The following CHD2 variants were observed in gnomAD, a reference collection of about 807,000 sequenced individuals.
CHD2 encodes chromodomain helicase DNA binding protein 2.
CHD2 carries 28 observed loss-of-function variants against 243.9 expected under a neutral mutation model. The ratio of observed to expected loss-of-function variants is 0.11; its 90% CI spans 0.09 to 0.16. The LOEUF is 0.16. Ranked by LOEUF, CHD2 falls within the 10% of genes least tolerant of loss-of-function variation. CHD2 has a pLI of 1.00. For missense variants in CHD2, 1,386 were observed against 2,209.8 expected (o/e 0.63, Z 7.47); for synonymous variants, 775 against 779.0 (o/e 0.99, Z 0.09).
At position 93,027,101 on chromosome 15, in the gene CHD2, C is replaced by G. The variant is rs868719294; in HGVS notation, c.*2396C>G. The G allele has an allele frequency of 1.3e-5, 2 of 152,640 alleles. No homozygotes were observed. The highest frequency in any genetic ancestry group is 2.4e-5 in the African/African-American group (1 of 41,442). The allele number at this position is 152,640 out of a possible 1,614,324, so 9.5% of individuals were successfully genotyped here. On this transcript the variant is annotated 3_prime_UTR_variant, in exon 39 of 39. Transcript: ENST00000394196. ...CTAAAATTACAGTGTCCCCATTAGA[C>G]AACTATTTTAGGTGCTGGAGTATGT...
intron 26 of CHD2, among the ~76,000 whole-genome samples, chr15:92,989,178 C>A (rs1418511064): frequency 6.6e-6 from 1 of 151,824 alleles, no homozygotes; most frequent in East Asian, 1.9e-4. Flanking sequence ...ATTACAGGTG[C>A]CCACCACAAT....
chr15:92,924,473 G>A lies in CHD2; in HGVS notation c.215G>A (p.Gly72Asp). 6.2e-7 allele frequency: 1 copy of A among 1,614,124 alleles called. No homozygotes were observed. The highest frequency in any genetic ancestry group is 8.5e-7 in the Non-Finnish European group (1 of 1,180,028). The change falls in exon 3 of 39, where the codon GGT (glycine) becomes GAT (aspartate). Residue 72 changes from glycine to aspartate, a missense_variant. By Grantham distance (94) the Gly-to-Asp change is moderately conservative (BLOSUM62 -1). This residue lies in a region of CHD2 where 89 missense variants were observed against 102.4 expected (regional missense o/e 0.87). Transcript: ENST00000394196. ...SQSESESESA[G>D]SKSQPVLPEA... is the part of the protein sequence containing the mutation. Reference sequence around the variant, plus strand: ...TCGGAATCTGAGAGCGAATCAGCAGGTTCCAAATCCCAGCCAGTCCTCCCA... The same window carrying A: ...TCGGAATCTGAGAGCGAATCAGCAGATTCCAAATCCCAGCCAGTCCTCCCA...
intron 28 of CHD2, among the ~76,000 whole-genome samples, chr15:92,995,819 C>T (rs751213996): frequency 3.3e-5 from 5 of 152,136 alleles, no homozygotes; most frequent in Non-Finnish European, 7.4e-5. Context: ...ATATACTTTG[C>T]TTCGATATTC....
intron 16 of CHD2, among the ~76,000 whole-genome samples, chr15:92,960,596 T>A (rs1213700942): frequency 6.6e-6 from 1 of 151,600 alleles, no homozygotes; most frequent in African/African-American, 2.4e-5. Flanking sequence ...TTAGGCCAAC[T>A]TTTTTTTTCC....
At chr15:92,942,591 G>A (rs935519343) in intron 8 of CHD2, among the ~76,000 whole-genome samples, 5 of 151,828 alleles carry the variant, frequency 3.3e-5, no homozygotes, top group Admixed American at 2.6e-4. Flanking sequence ...TGTTTTTATT[G>A]TTTTTGAATA....
chr15:92,907,453 G>A (rs2052644109), intron 2 of CHD2, among the ~76,000 whole-genome samples: 1 of 152,214 alleles, frequency 6.6e-6, no homozygotes, highest in Non-Finnish European at 1.5e-5. Context: ...GCTAAGGCAG[G>A]ATTGTAGAGA....
chr15:92,935,706 C>G (rs1437590052), intron 5 of CHD2, among the ~76,000 whole-genome samples: 1 of 152,162 alleles, frequency 6.6e-6, no homozygotes, highest in African/African-American at 2.4e-5. Flanking sequence ...TAAACATCTT[C>G]CTTTCTTCCT....
chr15:92,910,918 C>A (rs577575895), intron 2 of CHD2, among the ~76,000 whole-genome samples: 8 of 152,278 alleles, frequency 5.3e-5, no homozygotes, highest in Admixed American at 1.3e-4. Context: ...TATGCTGTAG[C>A]CTGTTGCTCC....
intron 37 of CHD2, among the ~76,000 whole-genome samples, chr15:93,017,170 G>A (rs1168183124): frequency 1.3e-5 from 2 of 152,172 alleles, no homozygotes; most frequent in African/African-American, 4.8e-5. Context: ...GCCTGGGAAA[G>A]ACCCAGATCC....
In CHD2 at chr15:93,027,354, C is replaced by T. The variant is rs1001677931; in HGVS notation, c.*2649C>T. The T allele has an allele frequency of 6.6e-6, 1 of 152,184 alleles. No individual in the cohort carries two copies. The highest frequency in any genetic ancestry group is 2.4e-5 in the African/African-American group (1 of 41,436). 9.4% of individuals were successfully genotyped at this position (152,184 alleles called of 1,614,324 possible). ...AGAGGGAGTTAGCATCACCTAAAAC[C>T]TGCACGTGAACAAGGGTTGACATGA... On this transcript the variant is annotated 3_prime_UTR_variant, in exon 39 of 39. Transcript: ENST00000394196.
intron 2 of CHD2, chr15:92,904,553 TG>T: frequency 9.9e-7 from 1 of 1,007,138 alleles, no homozygotes; most frequent in South Asian, 4.2e-5. Flanking sequence ...TGGACGCGTT[TG>T]CTCCTGGCAG....
intron 26 of CHD2, 170 bp from the exon 27 acceptor site, chr15:92,991,306 T>G: frequency 2.0e-6 from 1 of 491,944 alleles, no homozygotes; most frequent in Non-Finnish European, 3.6e-6. Flanking sequence ...TTAAGTTGAC[T>G]AGTTTCAAAG....
At chr15:93,006,044 T>A (rs2054316426) in intron 34 of CHD2, among the ~76,000 whole-genome samples, 1 of 152,122 alleles carries the variant, frequency 6.6e-6, no homozygotes. Context: ...CAAATCTGAA[T>A]TTTTTTAAGA....
intron 4 of CHD2, among the ~76,000 whole-genome samples, chr15:92,927,999 G>C (rs776906417): frequency 2.6e-5 from 4 of 152,150 alleles, no homozygotes; most frequent in Non-Finnish European, 4.4e-5. Flanking sequence ...TTATAGACTA[G>C]ATCCTGAAGA....
At chr15:92,918,753 GAAT>G (rs1265882131) in intron 2 of CHD2, among the ~76,000 whole-genome samples, 1 of 150,860 alleles carries the variant, frequency 6.6e-6, no homozygotes, top group African/African-American at 2.4e-5. Flanking sequence ...TTTTTTAAGG[GAAT>G]AATATGAATA....
At chr15:92,912,078 C>T (rs1023722786) in intron 2 of CHD2, among the ~76,000 whole-genome samples, 19 of 152,140 alleles carry the variant, frequency 1.2e-4, no homozygotes, top group African/African-American at 4.1e-4. Context: ...TGCAGTTTGT[C>T]GTCCATTGGC....
At chr15:92,986,691 A>G (rs2054047475) in intron 26 of CHD2, among the ~76,000 whole-genome samples, 1 of 152,008 alleles carries the variant, frequency 6.6e-6, no homozygotes, top group Non-Finnish European at 1.5e-5. Context: ...AGTGTTTTTC[A>G]GGTCTTTAAT....
intron 2 of CHD2, chr15:92,902,188 C>CT (rs1193380253): frequency 2.5e-6 from 1 of 397,942 alleles, no homozygotes; most frequent in South Asian, 1.3e-4. Flanking sequence ...GTCTGGAATG[C>CT]TTTATCTTCT....
chr15:92,971,408 T>A (rs1179862623), intron 17 of CHD2, among the ~76,000 whole-genome samples: 1 of 152,192 alleles, frequency 6.6e-6, no homozygotes, highest in African/African-American at 2.4e-5. Context: ...CTTAAATATG[T>A]ATAAAGTACA....
Sources: allele counts gnomAD v4.1 joint callset (sites outside exome capture counted in the v4.1 genomes callset), GRCh38; gene constraint gnomAD v4.1.1; regional missense constraint gnomAD v4.1.1; transcripts MANE v1.5; gene names NCBI Gene and HGNC (gene_info 2026-07-23, HGNC 2026-07-21).